Variants in TSPAN9 observed in about 807,000 individuals in gnomAD.
TSPAN9 encodes tetraspanin-9.
TSPAN9 carries 16 observed loss-of-function variants against 31.0 expected under a neutral mutation model. That is an observed-to-expected ratio of 0.52 (90% confidence interval 0.35 to 0.78). The LOEUF (loss-of-function observed/expected upper bound fraction) is 0.78. TSPAN9 is among the 30% of genes least tolerant of loss of function. TSPAN9 has a pLI of 0.01. For synonymous variants in TSPAN9, 145 were observed against 121.6 expected (o/e 1.19, Z -1.27); for missense variants, 272 against 312.5 (o/e 0.87, Z 0.98).
In TSPAN9 at chr12:3,280,354, C is replaced by T. The variant is rs537275809; in HGVS notation, c.331-28C>T. The stretch of plus-strand genomic sequence containing the variant: ...AGACGAGCTGCGTCCTGGTTCCAAC[C>T]GTCTCACTGTGTCCCTCCGCCTGGC... On this transcript the variant is annotated intron_variant, in intron 5 of 8. Coordinates refer to ENST00000011898, the MANE Select transcript of TSPAN9 (RefSeq NM_006675.5). This position sits in a 1 kb window ranked among gnomAD's most constrained non-coding sequence, Gnocchi z 4.5. 23 of 1,604,668 alleles carry T rather than the reference C, an allele frequency of 1.4e-5. No homozygotes were observed. The highest frequency in any genetic ancestry group is 1.3e-4 in the African/African-American group (10 of 74,914).
intron 2 of TSPAN9, among the ~76,000 whole-genome samples, chr12:3,120,794 G>A (rs866776799): frequency 2.0e-5 from 3 of 152,246 alleles, no homozygotes; most frequent in African/African-American, 7.2e-5. Context: ...TCACCTGCCC[G>A]AGGTGAGGCC....
At chr12:3,236,709 G>A (rs2098393943) in intron 3 of TSPAN9, among the ~76,000 whole-genome samples, 1 of 152,178 alleles carries the variant, frequency 6.6e-6, no homozygotes, top group Non-Finnish European at 1.5e-5. Flanking sequence ...GCCTTTGTAG[G>A]GGAATCATCT....
chr12:3,223,824 G>A (rs1230793862), intron 3 of TSPAN9, among the ~76,000 whole-genome samples: 2 of 152,184 alleles, frequency 1.3e-5, no homozygotes, highest in Non-Finnish European at 2.9e-5. Flanking sequence ...GGCTGATGGG[G>A]TGGCCAGGCG....
chr12:3,094,474 C>G (rs1489708631), intron 2 of TSPAN9, among the ~76,000 whole-genome samples: 1 of 151,972 alleles, frequency 6.6e-6, no homozygotes, highest in Non-Finnish European at 1.5e-5. Flanking sequence ...AAAGAAACAC[C>G]TAAGGGAATA....
chr12:3,198,584 CCACCAGCACAGGTCA>C (rs1437395328), intron 2 of TSPAN9, among the ~76,000 whole-genome samples: 3,469 of 100,874 alleles, frequency 0.034, no homozygotes, highest in Non-Finnish European at 0.049. Flanking sequence ...GCACAGGCCA[CCACCAGCACAGGTCA>C]CACCAGCACA....
At chr12:3,268,068 T>C (rs977108198) in intron 3 of TSPAN9, among the ~76,000 whole-genome samples, 1 of 152,194 alleles carries the variant, frequency 6.6e-6, no homozygotes, top group Non-Finnish European at 1.5e-5. Flanking sequence ...AAGCGAAGCC[T>C]CCAGTGGAGG....
At chr12:3,134,424 G>A (rs1368406717) in intron 2 of TSPAN9, among the ~76,000 whole-genome samples, 1 of 152,216 alleles carries the variant, frequency 6.6e-6, no homozygotes, top group African/African-American at 2.4e-5. Flanking sequence ...GAAGGTTCAA[G>A]GAGGGAAGAA....
chr12:3,281,526 G>C (rs2153981061), intron 7 of TSPAN9, among the ~76,000 whole-genome samples, 197 bp downstream of exon 7: 1 of 152,334 alleles, frequency 6.6e-6, no homozygotes, highest in African/African-American at 2.4e-5. Flanking sequence ...AGAGTCAGAG[G>C]GCGAGGGGTT....
In TSPAN9 at chr12:3,280,726, G is replaced by C. The variant is rs1170322637; in HGVS notation, c.432+243G>C. 6.6e-6 allele frequency among the ~76,000 whole-genome samples: 1 copy of C among 152,206 alleles called. No individual in the cohort carries two copies. Among genetic ancestry groups the C allele is most frequent in the Non-Finnish European group, 1.5e-5 (1 of 68,028 alleles). On this transcript the variant is annotated intron_variant, in intron 6 of 8. Coordinates refer to ENST00000011898, the MANE Select transcript of TSPAN9 (RefSeq NM_006675.5). This position sits in a 1 kb window ranked among gnomAD's most constrained non-coding sequence, Gnocchi z 4.5. The stretch of plus-strand genomic sequence containing the variant: ...CTGAGAGAGCTGTGGCTGAGCTTTG[G>C]GATGAATGACTGAATTTATTTTAGC...
intron 2 of TSPAN9, among the ~76,000 whole-genome samples, chr12:3,155,663 G>A (rs1333110137): frequency 6.6e-6 from 1 of 152,204 alleles, no homozygotes; most frequent in African/African-American, 2.4e-5. Context: ...CCTTTGGGAG[G>A]AGTTAGGCCT....
chr12:3,199,266 G>T (rs936979835), intron 2 of TSPAN9, among the ~76,000 whole-genome samples: 1 of 152,186 alleles, frequency 6.6e-6, no homozygotes, highest in Non-Finnish European at 1.5e-5. Context: ...TAGGGGATGG[G>T]GTTACAGAAC....
intron 3 of TSPAN9, among the ~76,000 whole-genome samples, chr12:3,257,694 GT>G (rs923133943): frequency 7.3e-6 from 1 of 137,304 alleles, no homozygotes; most frequent in African/African-American, 2.7e-5. Flanking sequence ...TGCCTGTCCT[GT>G]TCTCACACCC....
intron 2 of TSPAN9, among the ~76,000 whole-genome samples, chr12:3,106,142 GTGAT>G (rs2098314587): frequency 6.6e-6 from 1 of 152,254 alleles, no homozygotes; most frequent in African/African-American, 2.4e-5. Context: ...ACACACGTGC[GTGAT>G]TGGTTAGTTC....
At chr12:3,262,303 A>G (rs560526735) in intron 3 of TSPAN9, among the ~76,000 whole-genome samples, 4 of 151,674 alleles carry the variant, frequency 2.6e-5, no homozygotes, top group Admixed American at 6.5e-5. Flanking sequence ...AGCTGAAGGG[A>G]ACGCAGAGCC....
chr12:3,163,076 C>A (rs182220736), intron 2 of TSPAN9, among the ~76,000 whole-genome samples: 1 of 152,342 alleles, frequency 6.6e-6, no homozygotes, highest in East Asian at 1.9e-4. Context: ...TGGCTGCGGT[C>A]CACACAGAGC....
chr12:3,255,104 C>A (rs1239602021), intron 3 of TSPAN9, among the ~76,000 whole-genome samples: 1 of 152,232 alleles, frequency 6.6e-6, no homozygotes, highest in Non-Finnish European at 1.5e-5. Flanking sequence ...AATAGCAATG[C>A]ACAATCAGGA....
Position 3,209,988 on chromosome 12 carries a change from T to TAAAAA in TSPAN9, c.63+8733_63+8734insAAAAA, listed in dbSNP as rs1565614937. On this transcript the variant is annotated intron_variant, in intron 3 of 8. Coordinates refer to ENST00000011898, the MANE Select transcript of TSPAN9 (RefSeq NM_006675.5). ...AAAAAAAAAAAAAAAAAAAAAAAAT[T>TAAAAA]AGCCGGGTGTGGTGGCGGGTGCCTG... Among the ~76,000 whole-genome samples the TAAAAA allele has an allele frequency of 9.2e-5, 3 of 32,708 alleles. 1 individual carries two copies. The highest frequency in any genetic ancestry group is 2.8e-4 in the Non-Finnish European group (3 of 10,824). 21.5% of individuals were successfully genotyped at this position (32,708 alleles called of 152,430 possible). A position where few individuals can be genotyped will look rare whatever the true frequency, so the allele number is the denominator to read the frequency against.
Position 3,128,279 on chromosome 12 carries a change from T to C in TSPAN9, c.-18+44560T>C, listed in dbSNP as rs74959931. 9.6e-3 allele frequency among the ~76,000 whole-genome samples: 1,456 copies of C among 152,328 alleles called. 26 individuals are homozygous for C. Among genetic ancestry groups the C allele is most frequent in the African/African-American group, 0.033 (1,379 of 41,562 alleles). On this transcript the variant is annotated intron_variant, in intron 2 of 8. Transcript: ENST00000011898. Reference sequence around the variant, plus strand: ...CATAGATCCAGGGCCCTGACCACTTTTTCTCCAGCTCCACCTGTAGGATGC... The same window carrying C: ...CATAGATCCAGGGCCCTGACCACTTCTTCTCCAGCTCCACCTGTAGGATGC...
chr12:3,235,245 T>A (rs1442388312), intron 3 of TSPAN9, among the ~76,000 whole-genome samples: 1 of 42,336 alleles, frequency 2.4e-5, no homozygotes, highest in African/African-American at 9.7e-5. Context: ...TATATATATA[T>A]ATATATATAT....
Sources: allele counts gnomAD v4.1 joint callset (sites outside exome capture counted in the v4.1 genomes callset), GRCh38; gene constraint gnomAD v4.1.1; non-coding constraint Gnocchi (gnomAD v3.1); transcripts MANE v1.5; gene names NCBI Gene and HGNC (gene_info 2026-07-23, HGNC 2026-07-21).